ST18: variants seen among roughly 807,000 people sequenced by gnomAD.
The protein encoded by ST18 is suppression of tumorigenicity 18 protein.
ST18 carries 50 observed loss-of-function variants against 110.0 expected under a neutral mutation model. The observed-to-expected ratio is 0.45, with a 90% CI of 0.36 to 0.58. The LOEUF (loss-of-function observed/expected upper bound fraction) is 0.58, where lower values mean the gene tolerates loss of function less well. Ranked by LOEUF, ST18 falls within the 20% of genes least tolerant of loss-of-function variation. ST18 has a pLI of 0.00. For missense variants in ST18, 1,306 were observed against 1,280.1 expected, an observed-to-expected ratio of 1.02 and a Z score of -0.31; for synonymous variants, 461 against 452.4, an observed-to-expected ratio of 1.02 and a Z score of -0.24.
intron 2 of ST18, among the ~76,000 whole-genome samples, chr8:52,338,492 C>T (rs563301800): frequency 1.3e-5 from 2 of 152,106 alleles, no homozygotes; most frequent in Non-Finnish European, 1.5e-5. Flanking sequence ...TGGTACATCT[C>T]AGTTCACTGC....
At chr8:52,214,954 C>T (rs549445679) in intron 6 of ST18, among the ~76,000 whole-genome samples, 1 of 152,212 alleles carries the variant, frequency 6.6e-6, no homozygotes, top group East Asian at 1.9e-4. Context: ...ACTTTAAAAG[C>T]CTGTTGTTTT....
At chr8:52,187,979 A>G (rs1237957643) in intron 8 of ST18, among the ~76,000 whole-genome samples, 1 of 152,252 alleles carries the variant, frequency 6.6e-6, no homozygotes, top group East Asian at 1.9e-4. Flanking sequence ...ATGTATATGG[A>G]CAGTACTATT....
chr8:52,213,406 G>A (rs2082927055), intron 7 of ST18, among the ~76,000 whole-genome samples: 1 of 149,860 alleles, frequency 6.7e-6, no homozygotes, highest in African/African-American at 2.4e-5. Context: ...AGGGCTGCAG[G>A]GTCACGGCTT....
intron 17 of ST18, 32 bp from the exon 18 acceptor site, chr8:52,137,515 A>G (rs1360181110): frequency 6.2e-7 from 1 of 1,611,234 alleles, no homozygotes; most frequent in Admixed American, 1.7e-5. Flanking sequence ...CATTAGAGTC[A>G]AGCGCATTTC....
chr8:52,134,203 C>G (rs2051020329), intron 19 of ST18, among the ~76,000 whole-genome samples: 1 of 152,130 alleles, frequency 6.6e-6, no homozygotes, highest in South Asian at 2.1e-4. Flanking sequence ...CTTCATGGCC[C>G]AAGTCAAACA....
At chr8:52,158,344 C>T (rs1239369053) in intron 15 of ST18, among the ~76,000 whole-genome samples, 1 of 152,166 alleles carries the variant, frequency 6.6e-6, no homozygotes, top group Non-Finnish European at 1.5e-5. Context: ...GAATCATCTC[C>T]TGTTGATTTA....
At chr8:52,288,589 A>G (rs1028911222) in intron 2 of ST18, among the ~76,000 whole-genome samples, 4 of 151,742 alleles carry the variant, frequency 2.6e-5, no homozygotes, top group Non-Finnish European at 5.9e-5. Context: ...AATCCCAGCT[A>G]CTTGGGAGGC....
chr8:52,318,181 A>G (rs995842171), intron 2 of ST18, among the ~76,000 whole-genome samples: 3 of 152,164 alleles, frequency 2.0e-5, no homozygotes, highest in Admixed American at 6.5e-5. Flanking sequence ...ATTTACAAGA[A>G]AAAACAAAAA....
At chr8:52,264,929 C>A (rs1172484152) in intron 2 of ST18, among the ~76,000 whole-genome samples, 1 of 152,118 alleles carries the variant, frequency 6.6e-6, no homozygotes, top group East Asian at 1.9e-4. Flanking sequence ...CACCTGGTCC[C>A]AAATACTCCT....
chr8:52,371,427 G>A (rs1331700244), intron 2 of ST18, among the ~76,000 whole-genome samples: 2 of 151,998 alleles, frequency 1.3e-5, no homozygotes, highest in Non-Finnish European at 2.9e-5. Flanking sequence ...AGTCATATAG[G>A]CTTTCACATA....
At position 52,128,422 on chromosome 8, in the gene ST18, C is replaced by T. The variant is rs191868276; in HGVS notation, c.2667-2282G>A. On this transcript the variant is annotated intron_variant, in intron 22 of 25. Transcript: ENST00000689386. The stretch of plus-strand genomic sequence containing the variant: ...AGCACTAAATGAGTTCTGTCAATCA[C>T]AGGACTTCTGATTTTAAAGCTACAA... Among the ~76,000 whole-genome samples, 366 of 152,288 alleles carry T rather than the reference C, an allele frequency of 2.4e-3. 2 individuals carry two copies. The highest frequency in any genetic ancestry group is 8.3e-3 in the African/African-American group (344 of 41,552).
At chr8:52,382,751 A>AT (rs1255790681) in intron 2 of ST18, among the ~76,000 whole-genome samples, 8 of 150,770 alleles carry the variant, frequency 5.3e-5, no homozygotes, top group African/African-American at 2.0e-4. Context: ...GTTCATTTAC[A>AT]ATTTTTTTTT....
chr8:52,382,776 A>G (rs1431209310), intron 2 of ST18, among the ~76,000 whole-genome samples: 1 of 151,196 alleles, frequency 6.6e-6, no homozygotes, highest in Non-Finnish European at 1.5e-5. Context: ...TTGGATAAAG[A>G]TATAGGGCAA....
At position 52,222,820 on chromosome 8, in the gene ST18, A is replaced by G. The variant is rs575793091; in HGVS notation, c.-418-1027T>C. Among the ~76,000 whole-genome samples the G allele has an allele frequency of 3.3e-5, 5 of 152,360 alleles. No individual in the cohort carries two copies. In the East Asian group the frequency reaches 9.6e-4, roughly 29 times the overall value. On this transcript the variant is annotated intron_variant, in intron 3 of 25. Transcript: ENST00000689386. ...AATATGTTATGAGGGCTAAGGACTT[A>G]CCAAAATATTCATGCAGTATACACA...
intron 2 of ST18, among the ~76,000 whole-genome samples, chr8:52,302,846 C>CA (rs567066825): frequency 2.0e-5 from 3 of 151,612 alleles, no homozygotes; most frequent in Non-Finnish European, 4.4e-5. Flanking sequence ...AGTAGAATAC[C>CA]AAAAAATACA....
chr8:52,354,058 G>A (rs1183343943), intron 2 of ST18, among the ~76,000 whole-genome samples: 1 of 152,232 alleles, frequency 6.6e-6, no homozygotes, highest in Non-Finnish European at 1.5e-5. Context: ...CAGCACCAAA[G>A]AGCACCAACC....
intron 2 of ST18, among the ~76,000 whole-genome samples, chr8:52,257,326 A>G (rs887428692): frequency 2.0e-5 from 3 of 152,204 alleles, no homozygotes; most frequent in Non-Finnish European, 4.4e-5. Context: ...ATCATTTGGT[A>G]ATCCCTATAT....
At chr8:52,169,560 C>G (rs564592250) in intron 10 of ST18, among the ~76,000 whole-genome samples, 3 of 152,276 alleles carry the variant, frequency 2.0e-5, no homozygotes, top group Admixed American at 6.5e-5. Context: ...AGTGAAGTTG[C>G]ATGGTCAAGG....
chr8:52,295,889 T>C (rs978536365), intron 2 of ST18, among the ~76,000 whole-genome samples: 6 of 151,974 alleles, frequency 3.9e-5, no homozygotes, highest in Non-Finnish European at 8.8e-5. Context: ...ATGTTCTGCG[T>C]CCCATCTGAC....
Sources: allele counts gnomAD v4.1 joint callset (sites outside exome capture counted in the v4.1 genomes callset), GRCh38; gene constraint gnomAD v4.1.1; transcripts MANE v1.5; gene names NCBI Gene and HGNC (gene_info 2026-07-23, HGNC 2026-07-21).